MALRD1: variants seen among roughly 807,000 people sequenced by gnomAD.
MALRD1 encodes MAM and LDL-receptor class A domain-containing protein 1.
In MALRD1, 247 loss-of-function variants were observed where a neutral mutation model predicts 242.1. That is an observed-to-expected ratio of 1.02 (90% confidence interval 0.92 to 1.13). MALRD1 has a LOEUF of 1.13. Among genes scored for constraint, MALRD1 ranks in the 50% most tolerant of loss-of-function variants. MALRD1 has a pLI of 0.00. For missense variants in MALRD1, 2,989 were observed against 2,533.1 expected (o/e 1.18, Z -3.86); for synonymous variants, 995 against 866.6 (o/e 1.15, Z -2.60).
At chr10:19,097,325 G>T (rs1161280436) in intron 4 of MALRD1, among the ~76,000 whole-genome samples, 20 of 152,084 alleles carry the variant, frequency 1.3e-4, no homozygotes, top group Admixed American at 1.2e-3. Flanking sequence ...CATTACAGGG[G>T]TTTAGAATAC....
intron 2 of MALRD1, among the ~76,000 whole-genome samples, chr10:19,084,444 G>A (rs1328446585): frequency 6.6e-6 from 1 of 151,752 alleles, no homozygotes; most frequent in Non-Finnish European, 1.5e-5. Context: ...CTTGAGAACT[G>A]ATATTATCTC....
intron 19 of MALRD1, among the ~76,000 whole-genome samples, chr10:19,274,177 G>A (rs1018617598): frequency 6.6e-6 from 1 of 152,072 alleles, no homozygotes; most frequent in East Asian, 1.9e-4. Context: ...GCCTCCCCTT[G>A]TGTCATTGCC....
chr10:19,263,091 A>G (rs1244545291), intron 19 of MALRD1, among the ~76,000 whole-genome samples: 5 of 152,182 alleles, frequency 3.3e-5, no homozygotes, highest in Non-Finnish European at 5.9e-5. Context: ...TGCAATGAAC[A>G]TGGGAGTTCA....
intron 36 of MALRD1, among the ~76,000 whole-genome samples, chr10:19,686,222 C>T (rs925163023): frequency 6.6e-6 from 1 of 152,082 alleles, no homozygotes; most frequent in African/African-American, 2.4e-5. Context: ...GAAACTTGAG[C>T]GATCAAGAGC....
intron 5 of MALRD1, among the ~76,000 whole-genome samples, chr10:19,107,894 C>T (rs544997618): frequency 9.9e-5 from 15 of 151,998 alleles, no homozygotes; most frequent in African/African-American, 3.6e-4. Flanking sequence ...TGGTTGCATG[C>T]AAATATTCTA....
At chr10:19,287,257 T>G (rs1841171005) in intron 21 of MALRD1, among the ~76,000 whole-genome samples, 1 of 152,078 alleles carries the variant, frequency 6.6e-6, no homozygotes, top group African/African-American at 2.4e-5. Flanking sequence ...TTATTAGGGA[T>G]TGGTTATAGG....
intron 33 of MALRD1, 105 bp from the exon 34 acceptor site, chr10:19,595,089 A>C: frequency 8.5e-7 from 1 of 1,176,748 alleles, no homozygotes; most frequent in Non-Finnish European, 1.2e-6. Flanking sequence ...ACTTCAATTA[A>C]TAAAATTCAT....
rs898125802 is a variant in MALRD1, at chr10:19,595,284, A to G, written c.5771A>G (p.Asp1924Gly). Residue 1924 changes from aspartate (D) to glycine (G), a missense_variant, in exon 34 of 40, where the codon GAT (aspartate) becomes GGT (glycine). Coordinates refer to ENST00000454679, the MANE Select transcript of MALRD1 (RefSeq NM_001142308.3). ...LQCVPLSGKC[D>G]GHEDCIDGSD... is the part of the protein sequence containing the mutation. The stretch of plus-strand genomic sequence containing the variant: ...TGTGTCCCTCTCTCAGGGAAATGTG[A>G]TGGACATGAAGACTGCATAGATGGA... 2 of 1,550,738 alleles carry G rather than the reference A, an allele frequency of 1.3e-6. No homozygotes were observed. Among genetic ancestry groups the G allele is most frequent in the Non-Finnish European group, 1.7e-6 (2 of 1,146,972 alleles).
At chr10:19,300,912 G>C (rs1841925243) in intron 21 of MALRD1, among the ~76,000 whole-genome samples, 2 of 152,054 alleles carry the variant, frequency 1.3e-5, no homozygotes, top group Non-Finnish European at 2.9e-5. Flanking sequence ...TATCAACAGA[G>C]TAAACAGAAA....
At chr10:19,180,498 G>A (rs1041901992) in intron 14 of MALRD1, among the ~76,000 whole-genome samples, 9 of 152,104 alleles carry the variant, frequency 5.9e-5, no homozygotes, top group Admixed American at 3.9e-4. Flanking sequence ...AAATGGTGCC[G>A]GAAAATCTGG....
chr10:19,340,270 A>G (rs1843787385), intron 24 of MALRD1, among the ~76,000 whole-genome samples: 4 of 152,214 alleles, frequency 2.6e-5, no homozygotes, highest in South Asian at 2.1e-4. Flanking sequence ...ATGTGTTACA[A>G]TCTATTTACA....
At chr10:19,378,780 A>C (rs1845712058) in intron 26 of MALRD1, among the ~76,000 whole-genome samples, 2 of 152,098 alleles carry the variant, frequency 1.3e-5, no homozygotes, top group African/African-American at 2.4e-5. Context: ...TCATCTTGTC[A>C]TGTATTTTTC....
At chr10:19,569,810 T>G (rs1836436564) in intron 33 of MALRD1, among the ~76,000 whole-genome samples, 1 of 147,412 alleles carries the variant, frequency 6.8e-6, no homozygotes, top group Admixed American at 6.8e-5. Context: ...TTATATATAT[T>G]TCTTATATAT....
At chr10:19,216,679 C>T (rs1367170369) in intron 18 of MALRD1, among the ~76,000 whole-genome samples, 2 of 150,660 alleles carry the variant, frequency 1.3e-5, no homozygotes, top group Admixed American at 6.6e-5. Flanking sequence ...GGTGCGGTGG[C>T]TCACGCCTGT....
chr10:19,452,632 C>T (rs1245353703), intron 29 of MALRD1, among the ~76,000 whole-genome samples: 1 of 152,184 alleles, frequency 6.6e-6, no homozygotes, highest in African/African-American at 2.4e-5. Context: ...GTTTGAAAGA[C>T]TATGAATGGA....
chr10:19,495,859 CA>C (rs1320884549), intron 30 of MALRD1, among the ~76,000 whole-genome samples: 1 of 152,016 alleles, frequency 6.6e-6, no homozygotes, highest in African/African-American at 2.4e-5. Flanking sequence ...CCCGTAGGCT[CA>C]AAATAAAGGG....
intron 19 of MALRD1, among the ~76,000 whole-genome samples, chr10:19,269,033 A>T (rs143486373): frequency 4.6e-5 from 7 of 152,310 alleles, no homozygotes; most frequent in Admixed American, 1.3e-4. Context: ...TATGCATTTC[A>T]TCTTTTCAAT....
intron 36 of MALRD1, among the ~76,000 whole-genome samples, chr10:19,662,553 G>A (rs1841491568): frequency 6.6e-6 from 1 of 152,152 alleles, no homozygotes; most frequent in African/African-American, 2.4e-5. Context: ...GCATTTCTAA[G>A]ATGTAAAGAA....
intron 21 of MALRD1, among the ~76,000 whole-genome samples, chr10:19,309,344 A>G (rs1321394228): frequency 3.3e-5 from 5 of 151,470 alleles, no homozygotes; most frequent in Non-Finnish European, 7.4e-5. Flanking sequence ...TTCTCTGCTT[A>G]CTTCATTTTT....
Sources: allele counts gnomAD v4.1 joint callset (sites outside exome capture counted in the v4.1 genomes callset), GRCh38; gene constraint gnomAD v4.1.1; transcripts MANE v1.5; gene names NCBI Gene and HGNC (gene_info 2026-07-23, HGNC 2026-07-21).